Variants in BCL2L15 observed in about 807,000 individuals in gnomAD.
The protein encoded by BCL2L15 is BCL2 like 15.
Under a neutral mutation model 18.3 loss-of-function variants are expected in BCL2L15, and 15 were observed. The ratio of observed to expected loss-of-function variants is 0.82; its 90% CI spans 0.55 to 1.26. The LOEUF (loss-of-function observed/expected upper bound fraction) is 1.26. Among genes scored for constraint, BCL2L15 ranks in the 50% most tolerant of loss-of-function variants. BCL2L15 has a pLI of 0.00. For synonymous variants in BCL2L15, 58 were observed against 68.5 expected, an observed-to-expected ratio of 0.85 and a Z score of 0.76; for missense variants, 180 against 201.7, an observed-to-expected ratio of 0.89 and a Z score of 0.65.
chr1:113,882,148 C>A (rs1666896381), intron 2 of BCL2L15, 151 bp from the exon 3 acceptor site: 3 of 598,666 alleles, frequency 5.0e-6, no homozygotes, highest in Non-Finnish European at 8.8e-6. Context: ...GATGAATAAT[C>A]TTTTCTCATT....
Position 113,880,109 on chromosome 1 carries a change from G to A in BCL2L15, c.*1014C>T, listed in dbSNP as rs899464241. The A allele has an allele frequency of 6.6e-6, 1 of 152,356 alleles. No homozygotes were observed. Among genetic ancestry groups the A allele is most frequent in the African/African-American group, 2.4e-5 (1 of 41,472 alleles). The allele number at this position is 152,356 out of a possible 1,614,324, so 9.4% of individuals were successfully genotyped here. ...TTATGCAGCTAGCTTCATCTAAGCT[G>A]GGGTGGCCTTGCTGTCCTAGATGTG... On this transcript the variant is annotated 3_prime_UTR_variant, in exon 4 of 4. Coordinates refer to ENST00000393316, the MANE Select transcript of BCL2L15 (RefSeq NM_001010922.3).
rs894494543 is a variant in BCL2L15 at position 113,880,362 on chromosome 1, C to G, written c.*761G>C. On this transcript the variant is annotated 3_prime_UTR_variant, in exon 4 of 4. Transcript: ENST00000393316. ...AGATTTTAGGCCGGGCGTGGTGGCT[C>G]ACGCCTGTAATCCCAGCACTTTGGG... is the stretch of plus-strand genomic sequence containing the variant. 6.6e-6 allele frequency: 1 copy of G among 152,222 alleles called. No individual in the cohort carries two copies. Among genetic ancestry groups the G allele is most frequent in the Admixed American group, 6.5e-5 (1 of 15,286 alleles). 9.4% of individuals were successfully genotyped at this position (152,222 alleles called of 1,614,324 possible).
At chr1:113,881,163 T>C in intron 3 of BCL2L15, 23 bp from the exon 4 acceptor site, 1 of 1,614,092 alleles carries the variant, frequency 6.2e-7, no homozygotes, top group Non-Finnish European at 8.5e-7. Flanking sequence ...GAGAAAATCC[T>C]ACAGTCAAAG....
chr1:113,887,117 C>G, intron 1 of BCL2L15, 132 bp downstream of exon 1: 1 of 797,222 alleles, frequency 1.3e-6, no homozygotes, highest in Admixed American at 2.7e-5. Flanking sequence ...AGGCGGATCT[C>G]AAACCCCTGA....
intron 3 of BCL2L15, 85 bp from the exon 4 acceptor site, chr1:113,881,225 T>G: frequency 6.3e-7 from 1 of 1,594,022 alleles, no homozygotes. Context: ...TGCAGATAGC[T>G]CCAGGAAATG....
In BCL2L15 at chr1:113,879,460, TG is replaced by T. The variant is rs983466962; in HGVS notation, c.*1662del. 2 of 152,386 alleles carry T rather than the reference TG, an allele frequency of 1.3e-5. No homozygotes were observed. The highest frequency in any genetic ancestry group is 4.8e-5 in the African/African-American group (2 of 41,466). The allele number at this position is 152,386 out of a possible 1,614,324, so 9.4% of individuals were successfully genotyped here. A position where few individuals can be genotyped will look rare whatever the true frequency, so the allele number is the denominator to read the frequency against. ...AGCTTTGCTTCCAATCACTCTCACT[TG>T]TAGGGCCAGAGAAATGGACTACTCA... On this transcript the variant is annotated 3_prime_UTR_variant, in exon 4 of 4. Transcript: ENST00000393316.
chr1:113,886,530 A>T lies in BCL2L15; in HGVS notation c.249+7T>A, dbSNP rs1244909961. On this transcript the variant is annotated splice_region_variant and intron_variant, in intron 2 of 3. Coordinates refer to ENST00000393316, the MANE Select transcript of BCL2L15 (RefSeq NM_001010922.3). ...CAGCAAACAATAGCATGAAGTAGAA[A>T]CTTGACCTGTCCCTTAATGGTTTCT... is the stretch of plus-strand genomic sequence containing the variant. The T allele has an allele frequency of 6.2e-7, 1 of 1,603,354 alleles. No individual in the cohort carries two copies. Among genetic ancestry groups the T allele is most frequent in the Non-Finnish European group, 8.5e-7 (1 of 1,177,398 alleles).
chr1:113,887,264 C>G lies in BCL2L15; in HGVS notation c.112G>C (p.Asp38His). The change falls in exon 1 of 4, where the codon GAT becomes CAT. Residue 38 changes from aspartate to histidine, a missense_variant. Transcript: ENST00000393316. ...GGAACCTTACCTGAATCTACTTCATCTACACAGCATAGGTTCCGGCTGGCA... is the reference window on the plus strand; with the variant it reads ...GGAACCTTACCTGAATCTACTTCATGTACACAGCATAGGTTCCGGCTGGCA... The part of the protein sequence containing the change: ...QVASRNLCCV[D>H]EVDSGEPCSF... The G allele has an allele frequency of 6.2e-7, 1 of 1,614,118 alleles. No individual in the cohort carries two copies. Among genetic ancestry groups the G allele is most frequent in the Non-Finnish European group, 8.5e-7 (1 of 1,179,988 alleles).
chr1:113,886,322 C>A (rs1469218250), intron 2 of BCL2L15, among the ~76,000 whole-genome samples: 2 of 151,752 alleles, frequency 1.3e-5, no homozygotes, highest in Non-Finnish European at 2.9e-5. Flanking sequence ...CAAGTAGAGA[C>A]AAACTGAAGG....
rs1434650790 is a variant in BCL2L15, at chr1:113,876,952, T to C, written c.*4171A>G. Among the ~76,000 whole-genome samples, 2 of 152,142 alleles carry C rather than the reference T, an allele frequency of 1.3e-5. No homozygotes were observed. The highest frequency in any genetic ancestry group is 2.9e-5 in the Non-Finnish European group (2 of 68,030). Reference sequence around the variant, plus strand: ...CAATCCTTTATCCTAGTGGGGAAGATGACTATACAGATAATTACAACTTAA... The same window carrying C: ...CAATCCTTTATCCTAGTGGGGAAGACGACTATACAGATAATTACAACTTAA... On this transcript the variant is annotated 3_prime_UTR_variant, in exon 4 of 4. Transcript: ENST00000393316.
chr1:113,886,621 A>G lies in BCL2L15; in HGVS notation c.165T>C (p.Gly55=), dbSNP rs1490207507. The change falls in exon 2 of 4, where the codon GGT becomes GGC. Residue 55 remains glycine, a synonymous_variant. Transcript: ENST00000393316. The part of the protein sequence containing the change: ...PCSFDVAIIA[G]RLRMLGDQFN... The stretch of plus-strand genomic sequence containing the variant: ...ACTGGTCACCCAACATCCGAAGGCG[A>G]CCAGCAATGATAGCCACATCAAAAG... 6.2e-7 allele frequency: 1 copy of G among 1,612,798 alleles called. No individual in the cohort carries two copies. The highest frequency in any genetic ancestry group is 1.7e-5 in the Admixed American group (1 of 59,552).
chr1:113,886,476 G>A, intron 2 of BCL2L15, 61 bp downstream of exon 2: 2 of 1,550,612 alleles, frequency 1.3e-6, no homozygotes, highest in Non-Finnish European at 1.7e-6. Context: ...GGAGTAGTAA[G>A]AAAAGGAAGT....
chr1:113,881,779 TC>T lies in BCL2L15; in HGVS notation c.467del (p.Gly156GlufsTer48). The T allele has an allele frequency of 1.9e-6, 3 of 1,613,294 alleles. No individual in the cohort carries two copies. The highest frequency in any genetic ancestry group is 2.5e-6 in the Non-Finnish European group (3 of 1,179,410). ...GGAGCCCCAACAAACTTACCCAACC[TC>T]CCTGGCCCTGGATGAACTCCCGGAT... Reference protein sequence around the residue: ...QAIREFIQGQGGWENLES With the variant: ...QAIREFIQGQXGWENLES On this transcript the variant is annotated frameshift_variant, in exon 3 of 4. Coordinates refer to ENST00000393316, the MANE Select transcript of BCL2L15 (RefSeq NM_001010922.3). LOFTEE classifies it high-confidence loss of function.
At chr1:113,881,531 A>G (rs1571509848) in intron 3 of BCL2L15, 3 of 1,373,118 alleles carry the variant, frequency 2.2e-6, no homozygotes, top group South Asian at 3.6e-5. Flanking sequence ...AATGAAGATT[A>G]GCTTTACAGT....
chr1:113,886,723 A>G, intron 1 of BCL2L15, 65 bp from the exon 2 acceptor site: 1 of 1,488,842 alleles, frequency 6.7e-7, no homozygotes, highest in South Asian at 1.3e-5. Flanking sequence ...GAATCTGGGC[A>G]ATGAGAAAAA....
chr1:113,885,815 G>A (rs1667013597), intron 2 of BCL2L15, among the ~76,000 whole-genome samples: 1 of 151,992 alleles, frequency 6.6e-6, no homozygotes, highest in Non-Finnish European at 1.5e-5. Context: ...GGCTGAGGCA[G>A]GAGAATTGCT....
At chr1:113,883,080 A>AG (rs200036341) in intron 2 of BCL2L15, among the ~76,000 whole-genome samples, 3,473 of 152,280 alleles carry the variant, frequency 0.023, 48 homozygotes, top group Middle Eastern at 0.041. Context: ...GTGGGGATTT[A>AG]GGGGGGCCAA....
At position 113,880,830 on chromosome 1, in the gene BCL2L15, AG is replaced by A. The variant is rs1666859096; in HGVS notation, c.*292del. On this transcript the variant is annotated 3_prime_UTR_variant, in exon 4 of 4. Transcript: ENST00000393316. ...ACTAACAAGTCATTACTTTGTGTCT[AG>A]GGGTCTTTGCTTCAACAGAACCTCA... The A allele has an allele frequency of 2.2e-6, 1 of 460,752 alleles. No individual in the cohort carries two copies. 28.5% of individuals were successfully genotyped at this position (460,752 alleles called of 1,614,324 possible).
At position 113,886,591 on chromosome 1, in the gene BCL2L15, G is replaced by A. The variant is rs75493886; in HGVS notation, c.195C>T (p.Asn65=). ...GRLRMLGDQF[N]GELEASAKNV... The stretch of plus-strand genomic sequence containing the variant: ...TTTTGGCAGAAGCTTCCAATTCTCC[G>A]TTGAACTGGTCACCCAACATCCGAA... The change falls in exon 2 of 4, where the codon AAC becomes AAT. Residue 65 remains asparagine, a synonymous_variant. Coordinates refer to ENST00000393316, the MANE Select transcript of BCL2L15 (RefSeq NM_001010922.3). The A allele has an allele frequency of 3.2e-4, 520 of 1,613,976 alleles. 4 individuals are homozygous for A. The East Asian group carries it at 8.9e-3, about 28-fold the overall frequency.
Sources: gnomAD v4.1 joint callset for allele counts (sites outside exome capture counted in the v4.1 genomes callset) on GRCh38, gnomAD v4.1.1 for gene constraint, MANE v1.5 for transcripts, NCBI Gene and HGNC (gene_info 2026-07-23, HGNC 2026-07-21) for gene names.